ADCY5: variants seen among roughly 807,000 people sequenced by gnomAD.
ADCY5 encodes adenylate cyclase type 5.
ADCY5 carries 30 observed loss-of-function variants against 119.7 expected under a neutral mutation model. That is an observed-to-expected ratio of 0.25 (90% CI 0.19 to 0.34). The LOEUF (loss-of-function observed/expected upper bound fraction) is 0.34, where lower values mean the gene tolerates loss of function less well. Ranked by LOEUF, ADCY5 falls within the 10% of genes least tolerant of loss-of-function variation. The pLI is 1.00. For synonymous variants in ADCY5, 753 were observed against 762.2 expected (o/e 0.99, Z 0.20); for missense variants, 1,324 against 1,775.2 (o/e 0.75, Z 4.57).
At chr3:123,310,629 A>T (rs994634334) in intron 12 of ADCY5, among the ~76,000 whole-genome samples, 2 of 152,236 alleles carry the variant, frequency 1.3e-5, no homozygotes, top group African/African-American at 4.8e-5. Context: ...TACGAAAAGC[A>T]GTTCTGGGGC....
At chr3:123,348,089 G>GTGTGT (rs1942658109) in intron 2 of ADCY5, among the ~76,000 whole-genome samples, 186 bp from the exon 3 acceptor site, 1 of 148,326 alleles carries the variant, frequency 6.7e-6, no homozygotes, top group African/African-American at 2.6e-5. Flanking sequence ...GTATGTGTGT[G>GTGTGT]CAGGATACCT....
chr3:123,291,096 C>T lies in ADCY5; in HGVS notation c.3327+17G>A, dbSNP rs781455761. The T allele has an allele frequency of 3.7e-6, 6 of 1,601,172 alleles. 1 individual carries two copies. The South Asian group carries it at 5.6e-5, about 15-fold the overall frequency. On this transcript the variant is annotated intron_variant, in intron 18 of 20. Transcript: ENST00000462833. ...CCCCTCCCAGGAACACAGCCTGACC[C>T]AGGCCCCGCTGTGCACCTCATCAAA...
chr3:123,288,553 GACAA>G (rs1392161483), intron 19 of ADCY5, among the ~76,000 whole-genome samples: 3 of 152,252 alleles, frequency 2.0e-5, no homozygotes, highest in Admixed American at 6.5e-5. Context: ...CTATTCTAAG[GACAA>G]ACAAACTGCA....
rs9839081 is a variant in ADCY5, at chr3:123,332,383, G to A, written c.1518+181C>T. 0.23 allele frequency among the ~76,000 whole-genome samples: 35,185 copies of A among 152,200 alleles called. 4,968 individuals are homozygous for A. Among genetic ancestry groups the A allele is most frequent in the Non-Finnish European group, 0.32 (22,064 of 67,984 alleles). ...AGCTAAGTGTGTCTCCAGGGCCCAC[G>A]CAGGGCGTGAGGACACAGCCGCAGC... On this transcript the variant is annotated intron_variant, in intron 4 of 20. Coordinates refer to ENST00000462833, the MANE Select transcript of ADCY5 (RefSeq NM_183357.3).
At chr3:123,396,876 C>T (rs75675026) in intron 1 of ADCY5, among the ~76,000 whole-genome samples, 5 of 147,004 alleles carry the variant, frequency 3.4e-5, no homozygotes, top group South Asian at 4.4e-4. Context: ...CAGTGGATCA[C>T]GGGCCCTGCT....
intron 3 of ADCY5, among the ~76,000 whole-genome samples, chr3:123,336,612 G>C (rs1336725398): frequency 6.6e-6 from 1 of 152,118 alleles, no homozygotes; most frequent in Non-Finnish European, 1.5e-5. Context: ...AGGAAGAGCA[G>C]AGGAGGTGAG....
At chr3:123,438,952 A>G (rs1945673132) in intron 1 of ADCY5, among the ~76,000 whole-genome samples, 1 of 150,644 alleles carries the variant, frequency 6.6e-6, no homozygotes, top group African/African-American at 2.4e-5. Flanking sequence ...GGGTCTCACT[A>G]TTTTGCCCAG....
At chr3:123,305,575 C>T (rs1940153026) in intron 12 of ADCY5, among the ~76,000 whole-genome samples, 1 of 152,234 alleles carries the variant, frequency 6.6e-6, no homozygotes, top group Admixed American at 6.5e-5. Context: ...TATGCTGACA[C>T]TCATGCTGCT....
rs199785976 is a variant in ADCY5, at chr3:123,352,448, C to T, written c.1268G>A (p.Arg423Gln). 88 of 1,612,892 alleles carry T rather than the reference C, an allele frequency of 5.5e-5. 1 individual carries two copies. The highest frequency in any genetic ancestry group is 3.3e-4 in the South Asian group (30 of 91,026). The part of the protein sequence containing the change: ...ECIQARLHSQ[R>Q]ENQQQERLLL... ...CTCACTCACCTGCTGCTGGTTCTCC[C>T]GCTGCGAGTGGAGCCGCGCCTGGAT... Residue 423 changes from arginine to glutamine, a missense_variant, in exon 2 of 21, where the codon CGG (arginine) becomes CAG (glutamine). Physicochemically the swap from Arg to Gln is conservative, Grantham distance 43 (BLOSUM62 1). Around this residue, in one of 6 missense-constraint regions of ADCY5, gnomAD observed 123 missense variants for 287.9 expected, o/e 0.43. Coordinates refer to ENST00000462833, the MANE Select transcript of ADCY5 (RefSeq NM_183357.3). This position sits in a 1 kb window ranked among gnomAD's most constrained non-coding sequence, Gnocchi z 4.8.
chr3:123,354,162 A>G (rs1942956897), intron 1 of ADCY5, among the ~76,000 whole-genome samples: 1 of 152,230 alleles, frequency 6.6e-6, no homozygotes, highest in Admixed American at 6.5e-5. Context: ...CCTATTTATC[A>G]TAAGGAAAGA....
intron 8 of ADCY5, among the ~76,000 whole-genome samples, chr3:123,323,690 C>T (rs1371838644): frequency 1.3e-5 from 2 of 151,980 alleles, no homozygotes; most frequent in East Asian, 1.9e-4. Flanking sequence ...GATACGGTCT[C>T]GCTCTGTCCC....
At chr3:123,414,779 A>T (rs1945146587) in intron 1 of ADCY5, among the ~76,000 whole-genome samples, 1 of 151,178 alleles carries the variant, frequency 6.6e-6, no homozygotes. Flanking sequence ...CTGGTCTCAA[A>T]CTCTTGACCT....
chr3:123,369,969 T>C (rs1254995008), intron 1 of ADCY5, among the ~76,000 whole-genome samples: 4 of 152,176 alleles, frequency 2.6e-5, no homozygotes, highest in African/African-American at 7.2e-5. Flanking sequence ...TGACCAGAAT[T>C]GGCACCACGG....
chr3:123,297,408 G>A, intron 15 of ADCY5, 26 bp from the exon 16 acceptor site: 5 of 1,613,164 alleles, frequency 3.1e-6, no homozygotes, highest in Admixed American at 1.7e-5. Context: ...GGGAAGACTG[G>A]TCAGGGCCAC....
chr3:123,398,235 C>T (rs1311259330), intron 1 of ADCY5, among the ~76,000 whole-genome samples: 3 of 152,086 alleles, frequency 2.0e-5, no homozygotes, highest in Middle Eastern at 6.3e-3. Flanking sequence ...AAAGTTCCCC[C>T]CTGCCAAAAC....
At chr3:123,371,527 A>G (rs1943641960) in intron 1 of ADCY5, among the ~76,000 whole-genome samples, 1 of 152,254 alleles carries the variant, frequency 6.6e-6, no homozygotes, top group Non-Finnish European at 1.5e-5. Flanking sequence ...TGGGTGCTTT[A>G]CCAGAGTACT....
intron 12 of ADCY5, among the ~76,000 whole-genome samples, chr3:123,313,825 A>G (rs902174956): frequency 6.6e-6 from 1 of 152,252 alleles, no homozygotes; most frequent in African/African-American, 2.4e-5. Flanking sequence ...GGAAAATCCC[A>G]GAGCACATGG....
At chr3:123,321,695 C>T (rs1046550934) in intron 8 of ADCY5, among the ~76,000 whole-genome samples, 3 of 152,166 alleles carry the variant, frequency 2.0e-5, no homozygotes, top group Admixed American at 6.5e-5. Context: ...CTGGGTGAAC[C>T]CAAAATCCAA....
chr3:123,309,377 T>C (rs955623142), intron 12 of ADCY5, among the ~76,000 whole-genome samples: 7 of 152,226 alleles, frequency 4.6e-5, no homozygotes, highest in Non-Finnish European at 1.0e-4. Flanking sequence ...GCCAGTGCTC[T>C]CATCACTTGG....
Sources: allele counts gnomAD v4.1 joint callset (sites outside exome capture counted in the v4.1 genomes callset), GRCh38; gene constraint gnomAD v4.1.1; regional missense constraint gnomAD v4.1.1; non-coding constraint Gnocchi (gnomAD v3.1); transcripts MANE v1.5; gene names NCBI Gene and HGNC (gene_info 2026-07-23, HGNC 2026-07-21).